The following SMARCAD1 variants were observed in gnomAD, a reference collection of about 807,000 sequenced individuals.
SMARCAD1 encodes the protein SWI/SNF-related matrix-associated actin-dependent regulator of chromatin subfamily A containing DEAD/H box 1.
SMARCAD1 carries 25 observed loss-of-function variants against 127.1 expected under a neutral mutation model. The ratio of observed to expected loss-of-function variants is 0.20; its 90% confidence interval spans 0.14 to 0.27. SMARCAD1 has a LOEUF of 0.27. Among genes scored for constraint, SMARCAD1 ranks in the 10% least tolerant of loss-of-function variants. The pLI, the probability that SMARCAD1 is intolerant of heterozygous loss-of-function variation, is 1.00. For synonymous variants in SMARCAD1, 400 were observed against 396.9 expected (o/e 1.01, Z -0.09); for missense variants, 807 against 1,206.0 (o/e 0.67, Z 4.90).
chr4:94,235,173 C>T (rs1016334708), intron 4 of SMARCAD1, among the ~76,000 whole-genome samples: 2 of 150,430 alleles, frequency 1.3e-5, no homozygotes, highest in Non-Finnish European at 3.0e-5. Context: ...ACCTTATATC[C>T]ATTAGCAGTC....
At chr4:94,256,449 A>T (rs1484874296) in intron 9 of SMARCAD1, among the ~76,000 whole-genome samples, 1 of 151,652 alleles carries the variant, frequency 6.6e-6, no homozygotes, top group African/African-American at 2.4e-5. Flanking sequence ...TGCAACCTCC[A>T]CCTCCCGGGT....
Position 94,208,047 on chromosome 4 carries a change from G to A in SMARCAD1, c.-73G>A, listed in dbSNP as rs1404039109. On this transcript the variant is annotated 5_prime_UTR_variant, in exon 1 of 24. It introduces an in-frame stop codon into an upstream open reading frame of the 5' UTR. Coordinates refer to ENST00000354268, the MANE Select transcript of SMARCAD1 (RefSeq NM_020159.5). ...CGAGGCCCGCTAGGGGGTTATACTG[G>A]GGAACGTGCCTGCGCGTGCTTGGGT... 6.4e-6 allele frequency: 3 copies of A among 471,206 alleles called. No individual in the cohort carries two copies. Among genetic ancestry groups the A allele is most frequent in the Non-Finnish European group, 1.3e-5 (3 of 239,136 alleles). The allele number at this position is 471,206 out of a possible 1,614,324, so 29.2% of individuals were successfully genotyped here.
chr4:94,271,081 C>A (rs190238729), intron 11 of SMARCAD1, among the ~76,000 whole-genome samples: 1 of 152,088 alleles, frequency 6.6e-6, no homozygotes, highest in South Asian at 2.1e-4. Context: ...ATTAAAAAAT[C>A]GAAATCAAAG....
chr4:94,253,567 C>A, intron 9 of SMARCAD1: 1 of 1,086,006 alleles, frequency 9.2e-7, no homozygotes, highest in Non-Finnish European at 1.1e-6. Flanking sequence ...GCAACGTGGC[C>A]ATTTTATGGA....
intron 6 of SMARCAD1, among the ~76,000 whole-genome samples, chr4:94,246,072 T>C (rs945880399): frequency 2.6e-5 from 4 of 151,866 alleles, no homozygotes; most frequent in Non-Finnish European, 5.9e-5. Flanking sequence ...CTGGACCTGG[T>C]ACAGAGCCGT....
At chr4:94,229,869 C>A (rs1283716414) in intron 3 of SMARCAD1, among the ~76,000 whole-genome samples, 1 of 150,296 alleles carries the variant, frequency 6.7e-6, no homozygotes, top group African/African-American at 2.4e-5. Flanking sequence ...CAGGTCTTTT[C>A]TTTGCCTCTC....
At chr4:94,243,261 TA>T (rs1404353640) in intron 6 of SMARCAD1, among the ~76,000 whole-genome samples, 1 of 152,214 alleles carries the variant, frequency 6.6e-6, no homozygotes, top group Non-Finnish European at 1.5e-5. Flanking sequence ...AAGAATTTTT[TA>T]TAATGCCTCA....
At chr4:94,267,534 A>G (rs1053809703) in intron 10 of SMARCAD1, among the ~76,000 whole-genome samples, 4 of 152,128 alleles carry the variant, frequency 2.6e-5, no homozygotes, top group Non-Finnish European at 4.4e-5. Flanking sequence ...ACCTTTGAAA[A>G]TAATTTTGGA....
At chr4:94,285,668 C>A (rs904723123) in intron 23 of SMARCAD1, among the ~76,000 whole-genome samples, 1 of 152,150 alleles carries the variant, frequency 6.6e-6, no homozygotes, top group African/African-American at 2.4e-5. Context: ...AATCTGTCTA[C>A]AGCGAGAGAG....
At chr4:94,254,888 T>C (rs1220741010) in intron 9 of SMARCAD1, among the ~76,000 whole-genome samples, 5 of 152,074 alleles carry the variant, frequency 3.3e-5, no homozygotes, top group African/African-American at 4.8e-5. Context: ...ATTTTAAATG[T>C]GATTTATTTA....
Position 94,278,475 on chromosome 4 carries a change from A to G in SMARCAD1, c.2136A>G (p.Lys712=), listed in dbSNP as rs1457570921. The change falls in exon 17 of 24, where the codon AAA becomes AAG. Residue 712 remains lysine, a synonymous_variant. Transcript: ENST00000354268. ...AAAAGGAGAGAATAGCACATGCAAAACAAATTATAAAGCCATTTATTCTCA... is the reference window on the plus strand; with the variant it reads ...AAAAGGAGAGAATAGCACATGCAAAGCAAATTATAAAGCCATTTATTCTCA... The part of the protein sequence containing the change: ...IYEKERIAHA[K]QIIKPFILRR... 6.2e-7 allele frequency: 1 copy of G among 1,613,904 alleles called. No individual in the cohort carries two copies. The highest frequency in any genetic ancestry group is 8.5e-7 in the Non-Finnish European group (1 of 1,179,866).
chr4:94,234,306 A>C (rs1746298182), intron 4 of SMARCAD1, among the ~76,000 whole-genome samples, 184 bp downstream of exon 4: 1 of 152,216 alleles, frequency 6.6e-6, no homozygotes, highest in Non-Finnish European at 1.5e-5. Flanking sequence ...TTAATAGATG[A>C]GGTTATTTAT....
At chr4:94,229,803 T>G (rs3103139) in intron 3 of SMARCAD1, among the ~76,000 whole-genome samples, 12 of 33,484 alleles carry the variant, frequency 3.6e-4, no homozygotes, top group Admixed American at 1.4e-3. Context: ...TGTGTGGTGT[T>G]TTTTTTTTTT....
intron 2 of SMARCAD1, among the ~76,000 whole-genome samples, chr4:94,222,270 G>C (rs1023739496): frequency 3.9e-5 from 6 of 152,168 alleles, no homozygotes; most frequent in African/African-American, 1.4e-4. Context: ...ATGTTAATAT[G>C]TGAAATGTTT....
chr4:94,241,503 A>G (rs540347351), intron 6 of SMARCAD1, among the ~76,000 whole-genome samples: 18 of 152,310 alleles, frequency 1.2e-4, no homozygotes, highest in East Asian at 1.9e-4. Flanking sequence ...CCTGTCTCCA[A>G]TAAGGTCACA....
chr4:94,254,790 T>C (rs529172800), intron 9 of SMARCAD1, among the ~76,000 whole-genome samples: 14 of 152,212 alleles, frequency 9.2e-5, no homozygotes, highest in Non-Finnish European at 2.1e-4. Flanking sequence ...TTTTTCAAAT[T>C]AATAGTGTAA....
intron 5 of SMARCAD1, among the ~76,000 whole-genome samples, chr4:94,238,827 A>G (rs930522929): frequency 1.7e-4 from 26 of 152,148 alleles, no homozygotes; most frequent in African/African-American, 6.0e-4. Context: ...CTCTTGAGCA[A>G]TTCATCTTAT....
Position 94,290,125 on chromosome 4 carries a change from G to A in SMARCAD1, c.*591G>A. 1 of 454,484 alleles carries A rather than the reference G, an allele frequency of 2.2e-6. No homozygotes were observed. Among genetic ancestry groups the A allele is most frequent in the South Asian group, 1.6e-5 (1 of 64,474 alleles). The allele number at this position is 454,484 out of a possible 1,614,324, so 28.2% of individuals were successfully genotyped here. A position where few individuals can be genotyped will look rare whatever the true frequency, so the allele number is the denominator to read the frequency against. On this transcript the variant is annotated 3_prime_UTR_variant, in exon 24 of 24. Coordinates refer to ENST00000354268, the MANE Select transcript of SMARCAD1 (RefSeq NM_020159.5). ...ACTAACATCCCCCAGGTCCTCTCAA[G>A]TACTTCTGCTGAAACAAATTTATTT... is the stretch of plus-strand genomic sequence containing the variant.
At position 94,253,100 on chromosome 4, in the gene SMARCAD1, A is replaced by G; in HGVS notation, c.1281+93A>G. 3.2e-6 allele frequency: 5 copies of G among 1,582,176 alleles called. No individual in the cohort carries two copies. The South Asian group carries it at 3.3e-5, about 10-fold the overall frequency. Reference sequence around the variant, plus strand: ...CAAGTTGTCTTCAGCCCAGGTAAGCATAGATGGGTGGCCTTATCCTGTGTA... The same window carrying G: ...CAAGTTGTCTTCAGCCCAGGTAAGCGTAGATGGGTGGCCTTATCCTGTGTA... On this transcript the variant is annotated intron_variant, in intron 9 of 23. Transcript: ENST00000354268.
Sources: gnomAD v4.1 joint callset for allele counts (sites outside exome capture counted in the v4.1 genomes callset) on GRCh38, gnomAD v4.1.1 for gene constraint, MANE v1.5 for transcripts, NCBI Gene and HGNC (gene_info 2026-07-23, HGNC 2026-07-21) for gene names.